The following ARL15 variants were observed in gnomAD, a reference collection of about 807,000 sequenced individuals.
ARL15 encodes ARF like GTPase 15.
ARL15 carries 19 observed loss-of-function variants against 25.2 expected under a neutral mutation model. The ratio of observed to expected loss-of-function variants is 0.75; its 90% CI spans 0.53 to 1.10. The LOEUF (loss-of-function observed/expected upper bound fraction) is 1.10, where lower values mean the gene tolerates loss of function less well. Among genes scored for constraint, ARL15 ranks in the 50% least tolerant of loss-of-function variants. The pLI, the probability that ARL15 is intolerant of heterozygous loss-of-function variation, is 0.00. For synonymous variants in ARL15, 94 were observed against 86.8 expected (o/e 1.08, Z -0.46); for missense variants, 220 against 246.0 (o/e 0.89, Z 0.71).
intron 4 of ARL15, among the ~76,000 whole-genome samples, chr5:53,995,544 G>A (rs1748642883): frequency 6.6e-6 from 1 of 152,050 alleles, no homozygotes; most frequent in Non-Finnish European, 1.5e-5. Flanking sequence ...TCCAATGTCA[G>A]AAAACAGTTA....
intron 3 of ARL15, among the ~76,000 whole-genome samples, chr5:54,119,778 C>T (rs902734552): frequency 2.6e-5 from 4 of 152,108 alleles, no homozygotes; most frequent in Admixed American, 6.5e-5. Flanking sequence ...GAGTTACTAC[C>T]GTGTGAGTTG....
chr5:54,278,847 T>C (rs1429277834), intron 1 of ARL15, among the ~76,000 whole-genome samples: 1 of 152,212 alleles, frequency 6.6e-6, no homozygotes, highest in African/African-American at 2.4e-5. Context: ...GGATACCCTT[T>C]GTTGTCTCTG....
intron 4 of ARL15, among the ~76,000 whole-genome samples, chr5:53,952,252 A>T (rs1346819022): frequency 1.3e-5 from 2 of 152,118 alleles, no homozygotes; most frequent in Non-Finnish European, 2.9e-5. Flanking sequence ...ACAGAGTGAG[A>T]CTCTGTCTCA....
chr5:53,903,579 T>A (rs184212554), intron 4 of ARL15, among the ~76,000 whole-genome samples: 1 of 152,156 alleles, frequency 6.6e-6, no homozygotes, highest in East Asian at 1.9e-4. Flanking sequence ...AAGGCAAAAG[T>A]CAGAGAACAA....
chr5:54,158,577 C>T (rs182115868), intron 2 of ARL15, among the ~76,000 whole-genome samples: 104 of 152,162 alleles, frequency 6.8e-4, no homozygotes, highest in African/African-American at 2.4e-3. Context: ...ACTACTGTCC[C>T]AAGAAGAAAG....
intron 1 of ARL15, among the ~76,000 whole-genome samples, chr5:54,183,166 G>A (rs1755113933): frequency 2.2e-5 from 2 of 91,988 alleles, no homozygotes; most frequent in African/African-American, 7.5e-5. Flanking sequence ...TATTGCCCCA[G>A]CCAGAACTTC....
intron 4 of ARL15, among the ~76,000 whole-genome samples, chr5:53,959,882 C>CT (rs60406671): frequency 2.0e-5 from 3 of 151,448 alleles, no homozygotes; most frequent in African/African-American, 4.9e-5. Flanking sequence ...ATCTTGTTTA[C>CT]TTTTTTTTTC....
At chr5:54,310,014 C>A (rs2112732109) in intron 1 of ARL15, among the ~76,000 whole-genome samples, 1 of 152,356 alleles carries the variant, frequency 6.6e-6, no homozygotes, top group East Asian at 1.9e-4. Context: ...ACTTAGTGAG[C>A]CATTCTGGTT....
chr5:54,146,724 C>T (rs1753921483), intron 3 of ARL15, among the ~76,000 whole-genome samples: 1 of 152,118 alleles, frequency 6.6e-6, no homozygotes, highest in African/African-American at 2.4e-5. Flanking sequence ...GGTGCAGCAG[C>T]AACCTTCAGA....
At chr5:54,090,145 T>C (rs1162123020) in intron 4 of ARL15, among the ~76,000 whole-genome samples, 1 of 152,170 alleles carries the variant, frequency 6.6e-6, no homozygotes, top group Non-Finnish European at 1.5e-5. Context: ...GTGTTTGTAA[T>C]GTCCAAATAA....
At chr5:53,908,823 T>C (rs930148525) in intron 4 of ARL15, among the ~76,000 whole-genome samples, 2 of 152,232 alleles carry the variant, frequency 1.3e-5, no homozygotes, top group Non-Finnish European at 2.9e-5. Flanking sequence ...TATTCGAGCA[T>C]TGACTTTTGA....
intron 4 of ARL15, among the ~76,000 whole-genome samples, chr5:54,086,854 T>A (rs1338644640): frequency 6.6e-6 from 1 of 152,216 alleles, no homozygotes; most frequent in African/African-American, 2.4e-5. Context: ...GTTGACTTAA[T>A]GATTTGAAAA....
chr5:54,197,166 T>C (rs547708454), intron 1 of ARL15, among the ~76,000 whole-genome samples: 2 of 152,194 alleles, frequency 1.3e-5, no homozygotes, highest in South Asian at 4.1e-4. Context: ...GACTGAAGTG[T>C]AGTAGCAGAG....
chr5:54,078,178 A>G (rs1751671271), intron 4 of ARL15, among the ~76,000 whole-genome samples: 1 of 152,200 alleles, frequency 6.6e-6, no homozygotes, highest in Non-Finnish European at 1.5e-5. Context: ...ACCCAAATTG[A>G]TGGGGTTTTC....
At chr5:54,122,006 T>C (rs1297159391) in intron 3 of ARL15, among the ~76,000 whole-genome samples, 1 of 152,188 alleles carries the variant, frequency 6.6e-6, no homozygotes, top group Non-Finnish European at 1.5e-5. Flanking sequence ...TAACTCAAGT[T>C]AGCTCAGTAC....
chr5:54,144,301 G>C (rs567377549), intron 3 of ARL15, among the ~76,000 whole-genome samples: 5 of 151,842 alleles, frequency 3.3e-5, no homozygotes, highest in Non-Finnish European at 5.9e-5. Flanking sequence ...AGGGATGCTA[G>C]AACTTCTGTA....
intron 4 of ARL15, among the ~76,000 whole-genome samples, chr5:53,950,597 C>G (rs1176059085): frequency 1.3e-5 from 2 of 152,106 alleles, no homozygotes; most frequent in African/African-American, 4.8e-5. Context: ...CTACCCATTC[C>G]AGGCCACAAA....
rs1488880813 is a variant in ARL15, at chr5:54,203,478, G to A, written c.49-31550C>T. ...AACTATTTTATATTTAACACTATTTGATGTCTTTTTATAAGCACAAATTAA... is the reference window on the plus strand; with the variant it reads ...AACTATTTTATATTTAACACTATTTAATGTCTTTTTATAAGCACAAATTAA... On this transcript the variant is annotated intron_variant, in intron 1 of 4. Transcript: ENST00000504924. Among the ~76,000 whole-genome samples the A allele has an allele frequency of 2.0e-5, 3 of 151,976 alleles. No homozygotes were observed. The East Asian group carries it at 5.8e-4, about 29-fold the overall frequency.
rs111358830 is a variant in ARL15, at chr5:54,098,086, C to T, written c.462+15116G>A. On this transcript the variant is annotated intron_variant, in intron 4 of 4. Transcript: ENST00000504924. ...CCAACCATGAGAGGATGTTTAAAAC[C>T]TGTAGCATTAAAAAAGAATCTAGGG... Among the ~76,000 whole-genome samples the T allele has an allele frequency of 2.6e-3, 400 of 152,208 alleles. 2 individuals are homozygous for T. Among genetic ancestry groups the T allele is most frequent in the Non-Finnish European group, 5.0e-3 (338 of 67,992 alleles).
Sources: allele counts gnomAD v4.1 joint callset (sites outside exome capture counted in the v4.1 genomes callset), GRCh38; gene constraint gnomAD v4.1.1; transcripts MANE v1.5; gene names NCBI Gene and HGNC (gene_info 2026-07-23, HGNC 2026-07-21).